The following CDH18 variants were observed in gnomAD, a reference collection of about 807,000 sequenced individuals.
The protein encoded by CDH18 is cadherin 18.
Under a neutral mutation model 67.9 loss-of-function variants are expected in CDH18, and 31 were observed. The observed-to-expected ratio is 0.46, with a 90% CI of 0.34 to 0.62. The LOEUF is 0.62. Ranked by LOEUF, CDH18 falls within the 20% of genes least tolerant of loss-of-function variation. The probability of loss-of-function intolerance (pLI) is 0.01; values close to 1 mark genes in which losing one functional copy is unlikely to be tolerated. For synonymous variants in CDH18, 362 were observed against 347.2 expected (o/e 1.04, Z -0.48); for missense variants, 890 against 975.5 (o/e 0.91, Z 1.17).
rs10585212 is a variant in CDH18 at position 19,615,152 on chromosome 5, G to GAA, written c.644-2553_644-2552dup. 1.9e-3 allele frequency among the ~76,000 whole-genome samples: 274 copies of GAA among 144,502 alleles called. 9 individuals are homozygous for GAA. In the East Asian group the frequency reaches 0.049, roughly 26 times the overall value. 94.8% of individuals were successfully genotyped at this position (144,502 alleles called of 152,430 possible). ...CAGAGGGAGACTCCATCTCAAAAAAGAAAAAAAAAAAAAATCATAACGCTC... is the reference window on the plus strand; with the variant it reads ...CAGAGGGAGACTCCATCTCAAAAAAGAAAAAAAAAAAAAAAATCATAACGCTC... On this transcript the variant is annotated intron_variant, in intron 5 of 12. Transcript: ENST00000382275.
chr5:20,441,102 A>G (rs1326015960), intron 1 of CDH18, among the ~76,000 whole-genome samples: 1 of 151,800 alleles, frequency 6.6e-6, no homozygotes, highest in African/African-American at 2.4e-5. Context: ...CAAGATAAAA[A>G]TAGGGGCCGC....
intron 2 of CDH18, among the ~76,000 whole-genome samples, chr5:20,161,679 TCTA>T (rs1735902702): frequency 6.6e-6 from 1 of 152,214 alleles, no homozygotes; most frequent in Non-Finnish European, 1.5e-5. Context: ...ATTCTGTTGT[TCTA>T]CTATCTCTCA....
intron 5 of CDH18, among the ~76,000 whole-genome samples, chr5:19,675,760 G>A (rs1239587902): frequency 6.6e-6 from 1 of 151,956 alleles, no homozygotes; most frequent in Non-Finnish European, 1.5e-5. Flanking sequence ...ATTAAAGACA[G>A]GCATAGGAAA....
intron 1 of CDH18, among the ~76,000 whole-genome samples, chr5:20,440,297 G>C (rs968817643): frequency 6.6e-6 from 1 of 151,820 alleles, no homozygotes; most frequent in Non-Finnish European, 1.5e-5. Context: ...CTTTAATAAA[G>C]AGTCTATTAG....
At chr5:20,379,949 T>C (rs1355241458) in intron 1 of CDH18, among the ~76,000 whole-genome samples, 1 of 151,998 alleles carries the variant, frequency 6.6e-6, no homozygotes, top group Non-Finnish European at 1.5e-5. Flanking sequence ...CATAATATGG[T>C]GGTACAGTTG....
At chr5:19,567,094 G>A (rs1740543485) in intron 8 of CDH18, among the ~76,000 whole-genome samples, 1 of 152,032 alleles carries the variant, frequency 6.6e-6, no homozygotes, top group African/African-American at 2.4e-5. Flanking sequence ...GGGTAGTGGT[G>A]GTGGGGCAGG....
At chr5:19,891,496 TTTATAA>T in intron 2 of CDH18, among the ~76,000 whole-genome samples, 1 of 152,140 alleles carries the variant, frequency 6.6e-6, no homozygotes. Flanking sequence ...TAAAAGATAA[TTTATAA>T]TTTTTTTACT....
At chr5:19,847,379 G>A (rs1055553491) in intron 2 of CDH18, among the ~76,000 whole-genome samples, 1 of 151,712 alleles carries the variant, frequency 6.6e-6, no homozygotes, top group South Asian at 2.1e-4. Context: ...CTTCATTCTT[G>A]TTCAAATCTG....
chr5:19,933,171 C>T (rs2150205602), intron 2 of CDH18, among the ~76,000 whole-genome samples: 1 of 151,514 alleles, frequency 6.6e-6, no homozygotes, highest in South Asian at 2.1e-4. Context: ...ATCATATTTC[C>T]CATTTAACCA....
At chr5:19,637,569 T>C (rs1225529955) in intron 5 of CDH18, among the ~76,000 whole-genome samples, 1 of 152,200 alleles carries the variant, frequency 6.6e-6, no homozygotes, top group Non-Finnish European at 1.5e-5. Flanking sequence ...TGTCTCTGCA[T>C]TTCCCAGTTT....
chr5:20,304,895 T>C (rs560500319), intron 1 of CDH18: 23 of 1,612,134 alleles, frequency 1.4e-5, no homozygotes, highest in Non-Finnish European at 1.9e-5. Context: ...TCTTTAAAGA[T>C]AGGTGTCAGA....
At position 19,506,281 on chromosome 5, in the gene CDH18, A is replaced by G. The variant is rs192032200; in HGVS notation, c.1513-3172T>C. Among the ~76,000 whole-genome samples, 19 of 152,292 alleles carry G rather than the reference A, an allele frequency of 1.2e-4. 1 individual carries two copies. Among genetic ancestry groups the G allele is most frequent in the African/African-American group, 4.3e-4 (18 of 41,576 alleles). On this transcript the variant is annotated intron_variant, in intron 10 of 12. Transcript: ENST00000382275. ...ATAGGATACAAACAAATGGAAGAAC[A>G]TTCCATGCTCATGGGTAGGAAGAAT...
At chr5:20,164,827 T>C (rs1314008908) in intron 2 of CDH18, among the ~76,000 whole-genome samples, 2 of 152,182 alleles carry the variant, frequency 1.3e-5, no homozygotes, top group African/African-American at 4.8e-5. Flanking sequence ...TTCTTGTAAA[T>C]TGAACTAAAA....
In CDH18 at chr5:19,725,533, G is replaced by A. The variant is rs1766723080; in HGVS notation, c.524-4067C>T. ...GCCTGTAATCCCAGCAATTTGGGAG[G>A]CCGAGGCGGGTGGATCACCTGAGGT... On this transcript the variant is annotated intron_variant, in intron 4 of 12. Coordinates refer to ENST00000382275, the MANE Select transcript of CDH18 (RefSeq NM_004934.5). Among the ~76,000 whole-genome samples the A allele has an allele frequency of 2.6e-5, 4 of 152,044 alleles. No homozygotes were observed. The South Asian group carries it at 8.3e-4, about 32-fold the overall frequency.
intron 1 of CDH18, among the ~76,000 whole-genome samples, chr5:20,332,596 T>G (rs1399360019): frequency 6.6e-6 from 1 of 152,180 alleles, no homozygotes; most frequent in African/African-American, 2.4e-5. Context: ...AATGAAACTC[T>G]ATACCATAAG....
chr5:19,636,649 A>C (rs1753195401), intron 5 of CDH18, among the ~76,000 whole-genome samples: 1 of 151,858 alleles, frequency 6.6e-6, no homozygotes, highest in Non-Finnish European at 1.5e-5. Context: ...AAAGATAAAA[A>C]ATATTTATAT....
chr5:20,416,970 A>T (rs890186853), intron 1 of CDH18, among the ~76,000 whole-genome samples: 2 of 152,142 alleles, frequency 1.3e-5, no homozygotes, highest in African/African-American at 4.8e-5. Context: ...ATTCCTAGGA[A>T]AAAGCACTAT....
chr5:20,338,127 A>T (rs1739943429), intron 1 of CDH18, among the ~76,000 whole-genome samples: 2 of 152,230 alleles, frequency 1.3e-5, no homozygotes, highest in Admixed American at 1.3e-4. Context: ...GGATTTCAAG[A>T]TGAGATTTGG....
intron 1 of CDH18, among the ~76,000 whole-genome samples, chr5:20,276,353 T>C (rs1233576099): frequency 2.0e-5 from 3 of 152,056 alleles, no homozygotes; most frequent in African/African-American, 7.2e-5. Context: ...AGCTCAGCCA[T>C]AGTTGGATAG....
Sources: allele counts gnomAD v4.1 joint callset (sites outside exome capture counted in the v4.1 genomes callset), GRCh38; gene constraint gnomAD v4.1.1; transcripts MANE v1.5; gene names NCBI Gene and HGNC (gene_info 2026-07-23, HGNC 2026-07-21).